Variants in RPTOR observed in about 807,000 individuals in gnomAD.
The protein encoded by RPTOR is regulatory associated protein of MTOR complex 1, also known as regulatory-associated protein of mTOR.
Under a neutral mutation model 169.9 loss-of-function variants are expected in RPTOR, and 21 were observed. That is an observed-to-expected ratio of 0.12 (90% CI 0.09 to 0.18). The LOEUF (loss-of-function observed/expected upper bound fraction) is 0.18, where lower values mean the gene tolerates loss of function less well. RPTOR is among the 10% of genes least tolerant of loss of function. The pLI, the probability that RPTOR is intolerant of heterozygous loss-of-function variation, is 1.00. For synonymous variants in RPTOR, 732 were observed against 753.2 expected (o/e 0.97, Z 0.46); for missense variants, 1,133 against 1,855.9 (o/e 0.61, Z 7.16).
At chr17:80,561,686 C>T (rs1389447809) in intron 1 of RPTOR, among the ~76,000 whole-genome samples, 1 of 152,026 alleles carries the variant, frequency 6.6e-6, no homozygotes, top group Non-Finnish European at 1.5e-5. Context: ...ACCACCTCAG[C>T]CTCCCAAAGT....
intron 7 of RPTOR, among the ~76,000 whole-genome samples, chr17:80,821,024 C>G (rs191950382): frequency 6.6e-6 from 1 of 152,370 alleles, no homozygotes; most frequent in East Asian, 1.9e-4. Flanking sequence ...TTCTCAATTT[C>G]TCCTTTTTCT....
intron 13 of RPTOR, among the ~76,000 whole-genome samples, chr17:80,879,773 G>A (rs375133449): frequency 1.1e-3 from 173 of 152,342 alleles, no homozygotes; most frequent in African/African-American, 3.9e-3. Context: ...TCATGGCCAC[G>A]TGACTGTGAA....
At chr17:80,580,910 G>A (rs1477228247) in intron 1 of RPTOR, among the ~76,000 whole-genome samples, 2 of 152,168 alleles carry the variant, frequency 1.3e-5, no homozygotes, top group African/African-American at 4.8e-5. Flanking sequence ...TTGCAGGCAT[G>A]AGCCACCATG....
intron 1 of RPTOR, among the ~76,000 whole-genome samples, chr17:80,579,172 T>G (rs1170037898): frequency 6.6e-6 from 1 of 152,112 alleles, no homozygotes; most frequent in East Asian, 1.9e-4. Flanking sequence ...TCCTGATCTT[T>G]TATTTATTTA....
At chr17:80,944,740 C>T (rs113757151) in intron 25 of RPTOR, among the ~76,000 whole-genome samples, 4,487 of 152,274 alleles carry the variant, frequency 0.029, 195 homozygotes, top group African/African-American at 0.094. Context: ...TCTGTAATCC[C>T]AGCACTTTGA....
chr17:80,703,403 C>A (rs1372964151), intron 3 of RPTOR, among the ~76,000 whole-genome samples: 1 of 152,124 alleles, frequency 6.6e-6, no homozygotes, highest in Non-Finnish European at 1.5e-5. Flanking sequence ...CAGGCGCTCA[C>A]CCCACCTGGA....
Position 80,755,738 on chromosome 17 carries a change from CAAAAAAAA to C in RPTOR, c.830+1566_830+1573del, listed in dbSNP as rs77078803. Among the ~76,000 whole-genome samples, 343 of 80,234 alleles carry C rather than the reference CAAAAAAAA, an allele frequency of 4.3e-3. 6 individuals are homozygous for C. The highest frequency in any genetic ancestry group is 0.017 in the African/African-American group (324 of 19,138). The allele number at this position is 80,234 out of a possible 152,430, so 52.6% of individuals were successfully genotyped here. A position where few individuals can be genotyped will look rare whatever the true frequency, so the allele number is the denominator to read the frequency against. On this transcript the variant is annotated intron_variant, in intron 6 of 33. Coordinates refer to ENST00000306801, the MANE Select transcript of RPTOR (RefSeq NM_020761.3). ...TGGGTGACGGAGCAAGACCCTGTCT[CAAAAAAAA>C]AAAAAAAAAAAAGAAACAAAAAAAG...
intron 6 of RPTOR, among the ~76,000 whole-genome samples, chr17:80,770,525 G>C (rs9903994): frequency 0.27 from 41,544 of 152,056 alleles, 5,854 homozygotes; most frequent in African/African-American, 0.33. Context: ...TTAGAACTGG[G>C]CATGGCGGTG....
chr17:80,572,773 C>T (rs2064921392), intron 1 of RPTOR, among the ~76,000 whole-genome samples: 1 of 152,116 alleles, frequency 6.6e-6, no homozygotes, highest in African/African-American at 2.4e-5. Context: ...CACTCGGAGG[C>T]TTGTTTTTTC....
rs1268955320 is a variant in RPTOR, at chr17:80,562,533, C to T, written c.162+16742C>T. Among the ~76,000 whole-genome samples, 1 of 152,328 alleles carries T rather than the reference C, an allele frequency of 6.6e-6. No homozygotes were observed. The highest frequency in any genetic ancestry group is 2.4e-5 in the African/African-American group (1 of 41,570). ...GAGCAGTGGCTCATGCGTGTAATCCCAGCACTTTGGGAGGCTGAGGCGGAC... is the reference window on the plus strand; with the variant it reads ...GAGCAGTGGCTCATGCGTGTAATCCTAGCACTTTGGGAGGCTGAGGCGGAC... On this transcript the variant is annotated intron_variant, in intron 1 of 33. Coordinates refer to ENST00000306801, the MANE Select transcript of RPTOR (RefSeq NM_020761.3). This position sits in a 1 kb window ranked among gnomAD's most constrained non-coding sequence, Gnocchi z 4.4.
At chr17:80,838,561 G>A (rs1469909607) in intron 10 of RPTOR, among the ~76,000 whole-genome samples, 2 of 152,258 alleles carry the variant, frequency 1.3e-5, no homozygotes, top group Admixed American at 6.5e-5. Context: ...CCTTACGTGA[G>A]GCGCCAAGTC....
chr17:80,587,803 G>A (rs7225476), intron 1 of RPTOR, among the ~76,000 whole-genome samples: 90,048 of 151,180 alleles, frequency 0.6, 27,778 homozygotes, highest in African/African-American at 0.77. Flanking sequence ...GAGACCATTT[G>A]CAATCTCTTT....
intron 1 of RPTOR, 48 bp downstream of exon 1, chr17:80,545,839 A>G (rs753625298): frequency 7.4e-6 from 11 of 1,482,188 alleles, no homozygotes; most frequent in Admixed American, 4.4e-5. Context: ...TTTCCCCAAC[A>G]AAGAAAGTTT....
chr17:80,616,406 A>G (rs946433697), intron 1 of RPTOR, among the ~76,000 whole-genome samples: 2 of 149,092 alleles, frequency 1.3e-5, no homozygotes, highest in African/African-American at 5.0e-5. Context: ...GGTTCAAGCA[A>G]TTCTGCCTCA....
intron 13 of RPTOR, among the ~76,000 whole-genome samples, chr17:80,869,663 C>T (rs913361327): frequency 2.6e-5 from 4 of 152,110 alleles, no homozygotes; most frequent in Non-Finnish European, 4.4e-5. Flanking sequence ...TGACTCCAGA[C>T]TGCGTGTCAG....
chr17:80,689,298 A>C (rs2065971814), intron 3 of RPTOR, among the ~76,000 whole-genome samples: 1 of 152,234 alleles, frequency 6.6e-6, no homozygotes, highest in South Asian at 2.1e-4. Context: ...AGTCCGCATG[A>C]TAAATCATTT....
At chr17:80,790,574 G>A (rs528174204) in intron 6 of RPTOR, among the ~76,000 whole-genome samples, 3 of 152,072 alleles carry the variant, frequency 2.0e-5, no homozygotes, top group South Asian at 4.1e-4. Context: ...TCACTGCCAC[G>A]TCTCCCCCGA....
chr17:80,918,468 CCGGAGTCATAGCCACGAGCACCCTCG>C (rs2068703413), intron 21 of RPTOR, among the ~76,000 whole-genome samples: 1 of 100,762 alleles, frequency 9.9e-6, no homozygotes, highest in African/African-American at 3.8e-5. Flanking sequence ...AGCACCCTCG[CCGGAGTCATAGCCACGAGCACCCTCG>C]CGGGGGTCAT....
At chr17:80,816,410 T>G (rs2067323987) in intron 7 of RPTOR, among the ~76,000 whole-genome samples, 2 of 152,150 alleles carry the variant, frequency 1.3e-5, no homozygotes, top group South Asian at 4.1e-4. Flanking sequence ...CAGGGACTCT[T>G]GGAGTGGGGA....
Sources: allele counts gnomAD v4.1 joint callset (sites outside exome capture counted in the v4.1 genomes callset), GRCh38; gene constraint gnomAD v4.1.1; non-coding constraint Gnocchi (gnomAD v3.1); transcripts MANE v1.5; gene names NCBI Gene and HGNC (gene_info 2026-07-23, HGNC 2026-07-21).